HGSNAT: variants seen among roughly 807,000 people sequenced by gnomAD.
The protein encoded by HGSNAT is heparan-alpha-glucosaminide N-acetyltransferase.
Under a neutral mutation model 85.2 loss-of-function variants are expected in HGSNAT, and 59 were observed. The observed-to-expected ratio is 0.69, with a 90% confidence interval of 0.56 to 0.86. HGSNAT has a LOEUF of 0.86. Among genes scored for constraint, HGSNAT ranks in the 40% least tolerant of loss-of-function variants. The pLI, the probability that HGSNAT is intolerant of heterozygous loss-of-function variation, is 0.00. For missense variants in HGSNAT, 756 were observed against 777.1 expected (o/e 0.97, Z 0.32); for synonymous variants, 321 against 304.5 (o/e 1.05, Z -0.56).
At chr8:43,189,235 G>A (rs1563380293) in intron 11 of HGSNAT, among the ~76,000 whole-genome samples, 1 of 152,224 alleles carries the variant, frequency 6.6e-6, no homozygotes, top group Non-Finnish European at 1.5e-5. Flanking sequence ...CCCAGAGGTG[G>A]AGTCTACAGA....
chr8:43,180,128 G>A (rs1294429856), intron 10 of HGSNAT, among the ~76,000 whole-genome samples: 2 of 90,034 alleles, frequency 2.2e-5, no homozygotes, highest in African/African-American at 3.5e-5. Flanking sequence ...CCTCCCTCCC[G>A]GATGGGGCGG....
intron 4 of HGSNAT, among the ~76,000 whole-genome samples, chr8:43,160,230 G>C (rs993389441): frequency 2.0e-5 from 3 of 152,334 alleles, no homozygotes; most frequent in African/African-American, 7.2e-5. Context: ...CTGTAATTCA[G>C]GGTAACCAAA....
Position 43,143,737 on chromosome 8 carries a change from G to A in HGSNAT, c.118+3123G>A, listed in dbSNP as rs1231790664. On this transcript the variant is annotated intron_variant, in intron 1 of 17. Transcript: ENST00000379644. ...TTTTTTTGTATTTTTTAGTAGAGAT[G>A]GGGTTTCACCGTGTTAGCCAGGATG... 1.8e-4 allele frequency among the ~76,000 whole-genome samples: 27 copies of A among 150,218 alleles called. 1 individual carries two copies. Among genetic ancestry groups the A allele is most frequent in the Admixed American group, 1.8e-3 (27 of 15,104 alleles).
chr8:43,144,990 G>C (rs1261330354), intron 1 of HGSNAT, among the ~76,000 whole-genome samples: 1 of 152,182 alleles, frequency 6.6e-6, no homozygotes, highest in Non-Finnish European at 1.5e-5. Flanking sequence ...AGTTCAAACA[G>C]CACCACTGGT....
rs374021773 is a variant in HGSNAT, at chr8:43,184,640, G to A, written c.1128+2380G>A. Among the ~76,000 whole-genome samples the A allele has an allele frequency of 5.6e-3, 851 of 152,156 alleles. 12 individuals are homozygous for A. The highest frequency in any genetic ancestry group is 0.02 in the African/African-American group (817 of 41,538). ...TGCTGTGCAGAAGCTCTTTAGTTTAGTTAGATCCCATTTGTCAATTCTGGC... is the reference window on the plus strand; with the variant it reads ...TGCTGTGCAGAAGCTCTTTAGTTTAATTAGATCCCATTTGTCAATTCTGGC... On this transcript the variant is annotated intron_variant, in intron 11 of 17. Coordinates refer to ENST00000379644, the MANE Select transcript of HGSNAT (RefSeq NM_152419.3).
At chr8:43,193,700 T>G in intron 13 of HGSNAT, 57 bp from the exon 14 acceptor site, 3 of 1,144,144 alleles carry the variant, frequency 2.6e-6, no homozygotes, top group Non-Finnish European at 4.0e-6. Context: ...CTAGGAGCTG[T>G]TTGTACGTGT....
At chr8:43,192,224 G>C (rs1319934407) in intron 12 of HGSNAT, 80 bp from the exon 13 acceptor site, 1 of 1,491,758 alleles carries the variant, frequency 6.7e-7, no homozygotes, top group African/African-American at 1.4e-5. Flanking sequence ...CACCGTGCCC[G>C]GCCTGAGGTT....
chr8:43,152,995 G>A (rs1802967296), intron 2 of HGSNAT, among the ~76,000 whole-genome samples: 1 of 151,972 alleles, frequency 6.6e-6, no homozygotes, highest in African/African-American at 2.4e-5. Context: ...GAGTATTGTG[G>A]GTTATTGTTA....
chr8:43,197,932 G>T lies in HGSNAT; in HGVS notation c.1706G>T (p.Gly569Val). 1.2e-6 allele frequency: 2 copies of T among 1,613,432 alleles called. No individual in the cohort carries two copies. Among genetic ancestry groups the T allele is most frequent in the Non-Finnish European group, 1.7e-6 (2 of 1,179,504 alleles). Residue 569 changes from glycine (G) to valine (V), a missense_variant, in exon 17 of 18, where the codon GGA (glycine) becomes GTA (valine). By Grantham distance (109) the Gly-to-Val change is moderately radical. Coordinates refer to ENST00000379644, the MANE Select transcript of HGSNAT (RefSeq NM_152419.3). ...GTGGATGTGAAGGGGCTGTGGACAG[G>T]AACCCCATTCTTTTATCCAGGTAAG... ...PVVDVKGLWT[G>V]TPFFYPGMNS... is the part of the protein sequence containing the mutation.
At position 43,197,924 on chromosome 8, in the gene HGSNAT, G is replaced by A. The variant is rs752785040; in HGVS notation, c.1698G>A (p.Leu566=). The change falls in exon 17 of 18, where the codon CTG becomes CTA. Residue 566 remains leucine (L), a synonymous_variant. Transcript: ENST00000379644. ...VLYPVVDVKG[L]WTGTPFFYPG... Reference sequence around the variant, plus strand: ...ACCCAGTTGTGGATGTGAAGGGGCTGTGGACAGGAACCCCATTCTTTTATC... The same window carrying A: ...ACCCAGTTGTGGATGTGAAGGGGCTATGGACAGGAACCCCATTCTTTTATC... The A allele has an allele frequency of 5.6e-6, 9 of 1,613,654 alleles. No homozygotes were observed. Among genetic ancestry groups the A allele is most frequent in the Non-Finnish European group, 7.6e-6 (9 of 1,179,708 alleles).
At chr8:43,169,349 G>A (rs1264832840) in intron 6 of HGSNAT, 107 bp downstream of exon 6, 4 of 706,916 alleles carry the variant, frequency 5.7e-6, no homozygotes, top group African/African-American at 1.8e-5. Flanking sequence ...TATTGAGGAA[G>A]GCCAGGTTGT....
chr8:43,154,902 TA>T (rs1302819371), intron 2 of HGSNAT, among the ~76,000 whole-genome samples: 1 of 152,184 alleles, frequency 6.6e-6, no homozygotes, highest in Non-Finnish European at 1.5e-5. Context: ...TGTAAGATGG[TA>T]TCTCATTGTG....
At chr8:43,173,454 T>C (rs1184390579) in intron 8 of HGSNAT, among the ~76,000 whole-genome samples, 8 of 151,896 alleles carry the variant, frequency 5.3e-5, no homozygotes, top group Non-Finnish European at 8.8e-5. Context: ...GGATTACAGG[T>C]GCCCGCCACC....
chr8:43,143,870 C>G (rs1802631521), intron 1 of HGSNAT, among the ~76,000 whole-genome samples: 4 of 151,982 alleles, frequency 2.6e-5, no homozygotes, highest in African/African-American at 9.7e-5. Flanking sequence ...TCATAGGGCT[C>G]TTGGGGCCTG....
rs146674350 is a variant in HGSNAT, at chr8:43,194,538, G to A, written c.1464+695G>A. 4.6e-5 allele frequency: 45 copies of A among 975,668 alleles called. No individual in the cohort carries two copies. The East Asian group carries it at 3.1e-3, about 67-fold the overall frequency. 60.4% of individuals were successfully genotyped at this position (975,668 alleles called of 1,614,324 possible). Reference sequence around the variant, plus strand: ...TGTGTCCTGACCTAACAAAATACCCGAGACTGGGTAATTCATAAAGAACAG... The same window carrying A: ...TGTGTCCTGACCTAACAAAATACCCAAGACTGGGTAATTCATAAAGAACAG... On this transcript the variant is annotated intron_variant, in intron 14 of 17. Coordinates refer to ENST00000379644, the MANE Select transcript of HGSNAT (RefSeq NM_152419.3).
chr8:43,178,071 T>A lies in HGSNAT; in HGVS notation c.852-3T>A. 6.2e-7 allele frequency: 1 copy of A among 1,612,766 alleles called. No homozygotes were observed. Among genetic ancestry groups the A allele is most frequent in the Non-Finnish European group, 8.5e-7 (1 of 1,178,938 alleles). On this transcript the variant is annotated splice_region_variant and splice_polypyrimidine_tract_variant and intron_variant, in intron 9 of 17. Coordinates refer to ENST00000379644, the MANE Select transcript of HGSNAT (RefSeq NM_152419.3). Reference sequence around the variant, plus strand: ...CACCTATTAATAACTAGATTCTTTTTAGGTTTGTATTTATTATGGGATCTT... The same window carrying A: ...CACCTATTAATAACTAGATTCTTTTAAGGTTTGTATTTATTATGGGATCTT...
Position 43,147,047 on chromosome 8 carries a change from C to G in HGSNAT, c.218C>G (p.Ser73Cys). The G allele has an allele frequency of 1.9e-6, 3 of 1,597,608 alleles. No homozygotes were observed. The highest frequency in any genetic ancestry group is 2.6e-6 in the Non-Finnish European group (3 of 1,171,754). ...ACCAACTTGACCGTCTACTGGAAAT[C>G]TGAATGCTGTTATCACGTATGTATC... The part of the protein sequence containing the change: ...LWTNLTVYWK[S>C]ECCYHCLFQV... The change falls in exon 2 of 18, where the codon TCT becomes TGT. Residue 73 changes from serine to cysteine, a missense_variant. Physicochemically the swap from Ser to Cys is moderately radical, Grantham distance 112. Transcript: ENST00000379644.
In HGSNAT at chr8:43,197,670, AG is replaced by A; in HGVS notation, c.1545del. The A allele has an allele frequency of 6.2e-7, 1 of 1,609,160 alleles. No homozygotes were observed. On this transcript the variant is annotated splice_acceptor_variant, in intron 15 of 17. Transcript: ENST00000379644. LOFTEE classifies it high-confidence loss of function. ...TTAACATCCTTCTCTTCCCCATTAC[AG>A]GGGCTCATTTCTGTTGCTCTGACGA... is the stretch of plus-strand genomic sequence containing the variant.
chr8:43,159,118 G>C, intron 4 of HGSNAT, 74 bp downstream of exon 4: 1 of 1,502,628 alleles, frequency 6.7e-7, no homozygotes, highest in Non-Finnish European at 9.1e-7. Flanking sequence ...TGTTTGTAAA[G>C]CAAAGCAGTC....
Sources: allele counts gnomAD v4.1 joint callset (sites outside exome capture counted in the v4.1 genomes callset), GRCh38; gene constraint gnomAD v4.1.1; transcripts MANE v1.5; gene names NCBI Gene and HGNC (gene_info 2026-07-23, HGNC 2026-07-21).